Variants in CCDC12 observed in about 807,000 individuals in gnomAD.
CCDC12 encodes the protein coiled-coil domain containing 12, also known as coiled-coil domain-containing protein 12.
In CCDC12, 28 loss-of-function variants were observed where a neutral mutation model predicts 25.7. The observed-to-expected ratio is 1.09, with a 90% CI of 0.81 to 1.50. The LOEUF is 1.50. CCDC12 is among the 40% of genes most tolerant of loss of function. The pLI is 0.00. For synonymous variants in CCDC12, 75 were observed against 87.7 expected (o/e 0.86, Z 0.81); for missense variants, 198 against 210.0 (o/e 0.94, Z 0.35).
intron 1 of CCDC12, among the ~76,000 whole-genome samples, chr3:46,954,771 A>G (rs1274467246): frequency 6.6e-6 from 1 of 152,112 alleles, no homozygotes; most frequent in South Asian, 2.1e-4. Flanking sequence ...TAAAAATACA[A>G]AAATTAGCTG....
intron 1 of CCDC12, among the ~76,000 whole-genome samples, chr3:46,963,695 T>C (rs1411257030): frequency 6.6e-6 from 1 of 152,202 alleles, no homozygotes; most frequent in Non-Finnish European, 1.5e-5. Flanking sequence ...TAACCGCGAG[T>C]GATCCGCCAG....
chr3:46,939,783 G>A (rs1014004214), intron 2 of CCDC12, among the ~76,000 whole-genome samples: 7 of 152,180 alleles, frequency 4.6e-5, no homozygotes, highest in Non-Finnish European at 1.0e-4. Flanking sequence ...TCTGTAAGTC[G>A]TGTCTGTGAT....
intron 1 of CCDC12, among the ~76,000 whole-genome samples, chr3:46,943,581 G>A (rs1351092912): frequency 6.6e-6 from 1 of 152,250 alleles, no homozygotes; most frequent in African/African-American, 2.4e-5. Flanking sequence ...TCCAGCCTTT[G>A]GGAGGAGTGC....
chr3:46,957,958 A>C (rs368681082), intron 1 of CCDC12, among the ~76,000 whole-genome samples: 892 of 28,016 alleles, frequency 0.032, 12 homozygotes, highest in African/African-American at 0.062. Context: ...TAAAAAAATA[A>C]ATACACACAC....
chr3:46,925,383 G>A, intron 3 of CCDC12, 73 bp downstream of exon 3: 1 of 1,303,094 alleles, frequency 7.7e-7, no homozygotes, highest in Non-Finnish European at 1.1e-6. Flanking sequence ...TATTCTCAGA[G>A]AGCAAAGCCT....
At chr3:46,936,080 C>G (rs1205637955) in intron 2 of CCDC12, among the ~76,000 whole-genome samples, 2 of 152,178 alleles carry the variant, frequency 1.3e-5, no homozygotes, top group Non-Finnish European at 2.9e-5. Flanking sequence ...GGGCAAGGTC[C>G]TGGGGTGGCT....
intron 2 of CCDC12, among the ~76,000 whole-genome samples, chr3:46,933,332 A>G (rs909327586): frequency 8.2e-4 from 125 of 152,224 alleles, no homozygotes; most frequent in Non-Finnish European, 2.5e-4. Context: ...CTTGCCTTAA[A>G]AACAAGGAGG....
rs13320092 is a variant in CCDC12, at chr3:46,925,581, A to G, written c.165-46T>C. 1.1e-3 allele frequency: 1,513 copies of G among 1,423,798 alleles called. 12 individuals carry two copies. In the African/African-American group the frequency reaches 0.015, roughly 14 times the overall value. The allele number at this position is 1,423,798 out of a possible 1,614,324, so 88.2% of individuals were successfully genotyped here. A position where few individuals can be genotyped will look rare whatever the true frequency, so the allele number is the denominator to read the frequency against. On this transcript the variant is annotated intron_variant, in intron 2 of 6. Coordinates refer to ENST00000683445, the MANE Select transcript of CCDC12 (RefSeq NM_001277074.2). The stretch of plus-strand genomic sequence containing the variant: ...AGCAGAGATGAAGTCAGTGTGTGAC[A>G]TGGTCTCATTCATTCATTCATACAA...
chr3:46,936,832 GCTCT>G (rs1393874566), intron 2 of CCDC12, among the ~76,000 whole-genome samples: 6 of 152,264 alleles, frequency 3.9e-5, no homozygotes, highest in Admixed American at 3.9e-4. Flanking sequence ...GATGGACCCT[GCTCT>G]CTGCCAGCTA....
rs4435675 is a variant in CCDC12, at chr3:46,962,395, T to A, written c.96+14242A>T. The stretch of plus-strand genomic sequence containing the variant: ...ATTGCAGTGAGCCAAGATTGTGCCA[T>A]TGCACTCCAGCCTGGGTAACAAGAG... On this transcript the variant is annotated intron_variant, in intron 1 of 6. Transcript: ENST00000683445. 4.1e-5 allele frequency among the ~76,000 whole-genome samples: 6 copies of A among 145,982 alleles called. No homozygotes were observed. The East Asian group carries it at 1.2e-3, about 29-fold the overall frequency.
At chr3:46,923,157 AC>A in intron 5 of CCDC12, 171 bp downstream of exon 5, 1 of 644,784 alleles carries the variant, frequency 1.6e-6, no homozygotes. Flanking sequence ...CTCTCATCCC[AC>A]CACTTATGTC....
intron 1 of CCDC12, among the ~76,000 whole-genome samples, chr3:46,962,434 C>CAAAA (rs33969115): frequency 0.42 from 26,261 of 62,818 alleles, 5,863 homozygotes; most frequent in Non-Finnish European, 0.49. Flanking sequence ...AACTCTATCT[C>CAAAA]AAAAAAAAAA....
intron 1 of CCDC12, among the ~76,000 whole-genome samples, chr3:46,962,023 C>T (rs1308916866): frequency 1.3e-5 from 2 of 152,106 alleles, no homozygotes; most frequent in African/African-American, 4.8e-5. Flanking sequence ...TAGATTATAA[C>T]ATAAAAGAAT....
At chr3:46,976,175 G>A (rs1023552894) in intron 1 of CCDC12, 12 of 352,630 alleles carry the variant, frequency 3.4e-5, no homozygotes, top group African/African-American at 6.7e-5. Flanking sequence ...AAACGACTCC[G>A]GCTGTATACC....
chr3:46,927,851 G>A (rs1474663506), intron 2 of CCDC12, among the ~76,000 whole-genome samples: 1 of 152,176 alleles, frequency 6.6e-6, no homozygotes, highest in African/African-American at 2.4e-5. Flanking sequence ...TTAGCGTGGA[G>A]AGCTAAGAGA....
chr3:46,926,533 C>T (rs13060505), intron 2 of CCDC12, among the ~76,000 whole-genome samples: 5 of 152,306 alleles, frequency 3.3e-5, no homozygotes, highest in African/African-American at 9.6e-5. Context: ...ACCAAGAACT[C>T]ACTGGGGTCC....
chr3:46,922,440 G>C lies in CCDC12; in HGVS notation c.342-128C>G, dbSNP rs1203664161. 7.4e-6 allele frequency: 7 copies of C among 950,418 alleles called. No homozygotes were observed. The African/African-American group carries it at 1.1e-4, about 15-fold the overall frequency. The allele number at this position is 950,418 out of a possible 1,614,324, so 58.9% of individuals were successfully genotyped here. On this transcript the variant is annotated intron_variant, in intron 5 of 6. Coordinates refer to ENST00000683445, the MANE Select transcript of CCDC12 (RefSeq NM_001277074.2). ...GGTTGCTGGAGGGGGCTGCCCTGGG[G>C]AAGAGGCCAGGACATTCCCCTTCTG...
At chr3:46,961,773 A>G (rs2107180677) in intron 1 of CCDC12, among the ~76,000 whole-genome samples, 1 of 152,354 alleles carries the variant, frequency 6.6e-6, no homozygotes, top group Middle Eastern at 3.4e-3. Flanking sequence ...TACTACTACT[A>G]CTATATGTAC....
At chr3:46,978,683 C>A (rs1416205663), upstream of CCDC12, among the ~76,000 whole-genome samples, 1 of 152,096 alleles carries the variant, frequency 6.6e-6, no homozygotes, top group Non-Finnish European at 1.5e-5. Flanking sequence ...CTCAGTTTCT[C>A]CATCTGTAAA....
Sources: allele counts gnomAD v4.1 joint callset (sites outside exome capture counted in the v4.1 genomes callset), GRCh38; gene constraint gnomAD v4.1.1; transcripts MANE v1.5; gene names NCBI Gene and HGNC (gene_info 2026-07-23, HGNC 2026-07-21).